C4orf51: variants seen among roughly 807,000 people sequenced by gnomAD.
The protein encoded by C4orf51 is uncharacterized protein C4orf51.
A neutral mutation model predicts 25.2 loss-of-function variants in C4orf51; 25 were observed. That is an observed-to-expected ratio of 0.99 (90% CI 0.72 to 1.39). C4orf51 has a LOEUF of 1.39. Among genes scored for constraint, C4orf51 ranks in the 40% most tolerant of loss-of-function variants. The pLI is 0.00. For missense variants in C4orf51, 252 were observed against 239.6 expected (o/e 1.05, Z -0.34); for synonymous variants, 100 against 84.5 (o/e 1.18, Z -1.01).
intron 1 of C4orf51, among the ~76,000 whole-genome samples, chr4:145,743,140 G>C (rs747038321): frequency 6.6e-6 from 1 of 152,152 alleles, no homozygotes; most frequent in African/African-American, 2.4e-5. Flanking sequence ...GGGAGAAGAT[G>C]ATGACTTCAG....
At chr4:145,690,342 A>T (rs1191192012) in intron 1 of C4orf51, among the ~76,000 whole-genome samples, 1 of 151,446 alleles carries the variant, frequency 6.6e-6, no homozygotes, top group Non-Finnish European at 1.5e-5. Context: ...CGTCTCTACT[A>T]AAAATACAAA....
intron 4 of C4orf51, among the ~76,000 whole-genome samples, chr4:145,729,477 A>AT (rs575926268): frequency 1.5e-3 from 234 of 151,328 alleles, no homozygotes; most frequent in African/African-American, 5.5e-3. Context: ...AATTTTTTGT[A>AT]TTTTTAGTAG....
intron 1 of C4orf51, among the ~76,000 whole-genome samples, chr4:145,767,585 GC>G (rs1735498218): frequency 6.6e-6 from 1 of 152,140 alleles, no homozygotes; most frequent in Admixed American, 6.5e-5. Flanking sequence ...CAAAATCAGT[GC>G]TAAAGAACAA....
chr4:145,784,516 G>C, the C4orf51 span, among the ~76,000 whole-genome samples: 4 of 152,096 alleles, frequency 2.6e-5, no homozygotes, highest in South Asian at 8.3e-4. Flanking sequence ...ACAGCAACAA[G>C]TGTACACCCA....
chr4:145,764,878 G>T, intron 1 of C4orf51: 1 of 1,478,536 alleles, frequency 6.8e-7, no homozygotes, highest in Non-Finnish European at 9.4e-7. Flanking sequence ...CTCATACCAA[G>T]CTCCCCTTCT....
intron 2 of C4orf51, among the ~76,000 whole-genome samples, chr4:145,717,544 G>T (rs563233656): frequency 6.6e-5 from 10 of 152,114 alleles, no homozygotes; most frequent in Non-Finnish European, 1.0e-4. Flanking sequence ...TGAAGCCAAG[G>T]ATCAAATTGT....
chr4:145,688,793 C>T (rs968119540), intron 1 of C4orf51, among the ~76,000 whole-genome samples: 10 of 152,062 alleles, frequency 6.6e-5, no homozygotes, highest in African/African-American at 2.4e-4. Flanking sequence ...TATACAGTTC[C>T]AATAGGTGTT....
chr4:145,739,613 A>G (rs1732986038), intron 1 of C4orf51, among the ~76,000 whole-genome samples: 2 of 152,260 alleles, frequency 1.3e-5, no homozygotes, highest in Non-Finnish European at 2.9e-5. Context: ...GAAAGCACTA[A>G]AAACAATTGT....
At chr4:145,684,200 T>G (rs1729000423) in intron 1 of C4orf51, among the ~76,000 whole-genome samples, 1 of 152,090 alleles carries the variant, frequency 6.6e-6, no homozygotes, top group East Asian at 1.9e-4. Context: ...GATGTCCCAC[T>G]GGCCGGGCAC....
the C4orf51 span, among the ~76,000 whole-genome samples, chr4:145,778,715 T>A: frequency 6.6e-6 from 1 of 152,228 alleles, no homozygotes; most frequent in African/African-American, 2.4e-5. Flanking sequence ...CTTTTCTTTA[T>A]CATTTTGTTT....
chr4:145,782,526 C>T, the C4orf51 span, among the ~76,000 whole-genome samples: 1 of 152,188 alleles, frequency 6.6e-6, no homozygotes, highest in Non-Finnish European at 1.5e-5. Context: ...TGATCTTATG[C>T]AGGTCTTTCT....
At chr4:145,741,790 C>G (rs1292024849) in intron 1 of C4orf51, among the ~76,000 whole-genome samples, 1 of 152,086 alleles carries the variant, frequency 6.6e-6, no homozygotes, top group Non-Finnish European at 1.5e-5. Context: ...CTCTGCCTCC[C>G]AGGCTCAAGT....
chr4:145,759,561 C>T (rs1385831142), intron 1 of C4orf51: 2 of 152,204 alleles, frequency 1.3e-5, no homozygotes, highest in Non-Finnish European at 2.9e-5. Context: ...GGGGCATAAA[C>T]TGAACCATAG....
chr4:145,770,329 A>C (rs1736065664), intron 1 of C4orf51, among the ~76,000 whole-genome samples: 3 of 148,860 alleles, frequency 2.0e-5, no homozygotes, highest in Non-Finnish European at 3.0e-5. Flanking sequence ...TAAATAAATA[A>C]ATAAATAAAT....
intron 2 of C4orf51, among the ~76,000 whole-genome samples, chr4:145,702,935 T>G (rs891092935): frequency 1.3e-5 from 2 of 151,784 alleles, no homozygotes; most frequent in African/African-American, 4.8e-5. Flanking sequence ...TAATCCCGCT[T>G]GAAGCAGCCC....
chr4:145,781,188 A>G, the C4orf51 span, among the ~76,000 whole-genome samples: 2 of 128,164 alleles, frequency 1.6e-5, no homozygotes, highest in Non-Finnish European at 3.2e-5. Flanking sequence ...AGAACGAGAC[A>G]CCATCTCAAA....
intron 1 of C4orf51, among the ~76,000 whole-genome samples, chr4:145,688,541 G>T (rs1298327154): frequency 2.6e-5 from 4 of 152,114 alleles, no homozygotes; most frequent in African/African-American, 7.2e-5. Context: ...AAAAGTGGTA[G>T]TTTCCCCAGC....
At chr4:145,791,607 T>C in the C4orf51 span, among the ~76,000 whole-genome samples, 1 of 152,346 alleles carries the variant, frequency 6.6e-6, no homozygotes, top group African/African-American at 2.4e-5. Flanking sequence ...ATCTCTATTA[T>C]ATCATTCTCA....
downstream of C4orf51, chr4:145,775,839 G>T (rs140296430): frequency 6.2e-7 from 1 of 1,614,034 alleles, no homozygotes; most frequent in Admixed American, 1.7e-5. Context: ...AGGTGACGGC[G>T]CTGACAATGT....
Sources: allele counts gnomAD v4.1 joint callset (sites outside exome capture counted in the v4.1 genomes callset), GRCh38; gene constraint gnomAD v4.1.1; transcripts MANE v1.5; gene names NCBI Gene and HGNC (gene_info 2026-07-23, HGNC 2026-07-21).